Variants in SRGAP1 observed in about 807,000 individuals in gnomAD.
SRGAP1 encodes SLIT-ROBO Rho GTPase-activating protein 1.
Under a neutral mutation model 121.9 loss-of-function variants are expected in SRGAP1, and 43 were observed. The observed-to-expected ratio is 0.35, with a 90% CI of 0.28 to 0.46. The LOEUF (loss-of-function observed/expected upper bound fraction) is 0.46. Among genes scored for constraint, SRGAP1 ranks in the 20% least tolerant of loss-of-function variants. The pLI is 1.00. For missense variants in SRGAP1, 1,102 were observed against 1,350.9 expected (o/e 0.82, Z 2.89); for synonymous variants, 447 against 485.4 (o/e 0.92, Z 1.04).
chr12:63,977,151 A>G (rs189693331), intron 1 of SRGAP1, among the ~76,000 whole-genome samples: 2 of 152,192 alleles, frequency 1.3e-5, no homozygotes, highest in Non-Finnish European at 2.9e-5. Context: ...ACCAGGTTGT[A>G]TAAATATTCA....
rs759473528 is a variant in SRGAP1, at chr12:64,127,592, A to T, written c.2408A>T (p.Asp803Val). 1 of 1,612,678 alleles carries T rather than the reference A, an allele frequency of 6.2e-7. No individual in the cohort carries two copies. Among genetic ancestry groups the T allele is most frequent in the Admixed American group, 1.7e-5 (1 of 59,750 alleles). ...CTCCATTCCTCTTACTGCTTCAGGG[A>T]TGATACGTTTTCAGACACTCTGAGC... ...PHQYIVVQDM[D>V]DTFSDTLSQK... Residue 803 changes from aspartate to valine, a missense_variant and splice_region_variant, in exon 20 of 22, where the codon GAT (aspartate) becomes GTT (valine). Asp to Val is a radical substitution (Grantham distance 152). Transcript: ENST00000355086.
At chr12:63,918,193 G>T (rs187013440) in intron 1 of SRGAP1, among the ~76,000 whole-genome samples, 1 of 152,250 alleles carries the variant, frequency 6.6e-6, no homozygotes, top group African/African-American at 2.4e-5. Flanking sequence ...TTACACTGTC[G>T]TTGTGCAAGA....
chr12:64,139,910 A>AT (rs1345307183), intron 21 of SRGAP1, among the ~76,000 whole-genome samples: 1 of 151,518 alleles, frequency 6.6e-6, no homozygotes, highest in Non-Finnish European at 1.5e-5. Context: ...TCTTGAATTG[A>AT]TTTTTGTATA....
chr12:63,970,878 T>C (rs922099012), intron 1 of SRGAP1, among the ~76,000 whole-genome samples: 3 of 152,232 alleles, frequency 2.0e-5, no homozygotes, highest in Non-Finnish European at 4.4e-5. Flanking sequence ...ACATTTGTTT[T>C]TAACTTGTTA....
chr12:64,067,047 T>C (rs2035554075), intron 8 of SRGAP1, among the ~76,000 whole-genome samples: 1 of 151,640 alleles, frequency 6.6e-6, no homozygotes, highest in South Asian at 2.1e-4. Flanking sequence ...AAAAAAAAGG[T>C]CTGGCCACTC....
At position 63,945,056 on chromosome 12, in the gene SRGAP1, G is replaced by A. The variant is rs576771963; in HGVS notation, c.68-38891G>A. Among the ~76,000 whole-genome samples the A allele has an allele frequency of 1.4e-3, 209 of 152,198 alleles. 1 individual carries two copies. Among genetic ancestry groups the A allele is most frequent in the African/African-American group, 4.9e-3 (202 of 41,520 alleles). On this transcript the variant is annotated intron_variant, in intron 1 of 21. Coordinates refer to ENST00000355086, the MANE Select transcript of SRGAP1 (RefSeq NM_020762.4). Reference sequence around the variant, plus strand: ...CTTCCTGGCAGAGCCCACAGGAAGCGTCCCCCAAGCCCCAGGAAACAAAAC... The same window carrying A: ...CTTCCTGGCAGAGCCCACAGGAAGCATCCCCCAAGCCCCAGGAAACAAAAC...
intron 1 of SRGAP1, among the ~76,000 whole-genome samples, chr12:63,921,794 AG>A (rs1158938965): frequency 6.6e-6 from 1 of 152,204 alleles, no homozygotes; most frequent in Non-Finnish European, 1.5e-5. Context: ...TTGGGGAACA[AG>A]GGATTGCTCA....
chr12:64,086,540 G>GA (rs1352054415), intron 10 of SRGAP1, among the ~76,000 whole-genome samples: 1 of 152,016 alleles, frequency 6.6e-6, no homozygotes, highest in Admixed American at 6.6e-5. Context: ...ATTATAGAAA[G>GA]AACACCAACT....
At chr12:63,969,757 GC>G (rs2032890521) in intron 1 of SRGAP1, among the ~76,000 whole-genome samples, 1 of 151,554 alleles carries the variant, frequency 6.6e-6, no homozygotes, top group African/African-American at 2.4e-5. Context: ...TTGTGCCACT[GC>G]ACTCCAGCCT....
chr12:64,103,973 G>A (rs190622390), intron 15 of SRGAP1, among the ~76,000 whole-genome samples: 1 of 152,286 alleles, frequency 6.6e-6, no homozygotes, highest in East Asian at 1.9e-4. Context: ...GAACTCACAA[G>A]TATGTGTGTA....
intron 4 of SRGAP1, among the ~76,000 whole-genome samples, chr12:64,025,447 C>T (rs1032257231): frequency 2.0e-5 from 3 of 152,086 alleles, no homozygotes; most frequent in East Asian, 1.9e-4. Context: ...GTGGGGGTTA[C>T]GTATTTGTTT....
At chr12:63,870,533 ATT>A (rs1216674448) in intron 1 of SRGAP1, among the ~76,000 whole-genome samples, 12,117 of 100,270 alleles carry the variant, frequency 0.12, 481 homozygotes, top group East Asian at 0.21. Context: ...CCCTATCTTG[ATT>A]TTTTTTTTTT....
intron 18 of SRGAP1, among the ~76,000 whole-genome samples, chr12:64,122,886 G>A (rs1592342553): frequency 6.6e-6 from 1 of 152,136 alleles, no homozygotes; most frequent in Non-Finnish European, 1.5e-5. Context: ...AACAGAACAA[G>A]AGTCTGTCTC....
intron 1 of SRGAP1, among the ~76,000 whole-genome samples, chr12:63,921,803 T>C (rs1455508453): frequency 6.6e-6 from 1 of 152,176 alleles, no homozygotes; most frequent in Non-Finnish European, 1.5e-5. Flanking sequence ...AAGGGATTGC[T>C]CAAATATCTG....
intron 1 of SRGAP1, among the ~76,000 whole-genome samples, chr12:63,852,109 C>T (rs1429501075): frequency 6.6e-6 from 1 of 152,200 alleles, no homozygotes; most frequent in Non-Finnish European, 1.5e-5. Flanking sequence ...CCTGCCACCT[C>T]AGCCTCCTGT....
At chr12:63,970,484 C>G (rs2032914136) in intron 1 of SRGAP1, among the ~76,000 whole-genome samples, 1 of 152,160 alleles carries the variant, frequency 6.6e-6, no homozygotes, top group Admixed American at 6.5e-5. Flanking sequence ...CATAGTATTT[C>G]TGCAATGCTG....
intron 6 of SRGAP1, among the ~76,000 whole-genome samples, chr12:64,048,369 A>G (rs1164966692): frequency 2.0e-5 from 3 of 152,134 alleles, no homozygotes; most frequent in Non-Finnish European, 2.9e-5. Flanking sequence ...TCCACTGTGT[A>G]TATGTACCAC....
intron 21 of SRGAP1, among the ~76,000 whole-genome samples, chr12:64,141,788 A>G (rs2036967128): frequency 6.6e-6 from 1 of 152,040 alleles, no homozygotes; most frequent in South Asian, 2.1e-4. Flanking sequence ...CCATCTCTAC[A>G]AAAAATGTAA....
At chr12:63,911,536 G>A (rs996575574) in intron 1 of SRGAP1, among the ~76,000 whole-genome samples, 4 of 152,142 alleles carry the variant, frequency 2.6e-5, no homozygotes, top group African/African-American at 9.7e-5. Context: ...TTTGGCTACT[G>A]CAGCACTACA....
Sources: gnomAD v4.1 joint callset for allele counts (sites outside exome capture counted in the v4.1 genomes callset) on GRCh38, gnomAD v4.1.1 for gene constraint, MANE v1.5 for transcripts, NCBI Gene and HGNC (gene_info 2026-07-23, HGNC 2026-07-21) for gene names.